The following SORCS3 variants were observed in gnomAD, a reference collection of about 807,000 sequenced individuals.
The protein encoded by SORCS3 is VPS10 domain-containing receptor SorCS3.
A neutral mutation model predicts 146.3 loss-of-function variants in SORCS3; 57 were observed. That is an observed-to-expected ratio of 0.39 (90% CI 0.31 to 0.49). The LOEUF (loss-of-function observed/expected upper bound fraction) is 0.49, where lower values mean the gene tolerates loss of function less well. Ranked by LOEUF, SORCS3 falls within the 20% of genes least tolerant of loss-of-function variation. The pLI, the probability that SORCS3 is intolerant of heterozygous loss-of-function variation, is 0.92. For synonymous variants in SORCS3, 653 were observed against 618.5 expected (o/e 1.06, Z -0.83); for missense variants, 1,341 against 1,575.5 (o/e 0.85, Z 2.52).
At chr10:105,236,332 A>G (rs1257062774) in intron 20 of SORCS3, among the ~76,000 whole-genome samples, 3 of 152,148 alleles carry the variant, frequency 2.0e-5, no homozygotes, top group Admixed American at 2.0e-4. Flanking sequence ...TAGCTGCACT[A>G]CTAGAGGTGT....
intron 3 of SORCS3, among the ~76,000 whole-genome samples, chr10:104,920,545 G>A (rs1012636609): frequency 3.9e-5 from 6 of 152,134 alleles, no homozygotes; most frequent in Admixed American, 2.0e-4. Context: ...TTTGAAAGTA[G>A]GCAGGGTAAG....
Position 105,263,495 on chromosome 10 carries a change from T to C in SORCS3, c.*121T>C, listed in dbSNP as rs2056973948. 5 of 919,406 alleles carry C rather than the reference T, an allele frequency of 5.4e-6. No individual in the cohort carries two copies. In the South Asian group the frequency reaches 8.3e-5, roughly 15 times the overall value. 57.0% of individuals were successfully genotyped at this position (919,406 alleles called of 1,614,324 possible). ...CTTTTGTTTACCAAGGGCCCCTTCA[T>C]AAATAGCAGGCAAATGCCTAGCTTT... is the stretch of plus-strand genomic sequence containing the variant. On this transcript the variant is annotated 3_prime_UTR_variant, in exon 27 of 27. Coordinates refer to ENST00000369701, the MANE Select transcript of SORCS3 (RefSeq NM_014978.3).
rs1253794353 is a variant in SORCS3 at position 104,918,074 on chromosome 10, A to C, written c.795+2142A>C. On this transcript the variant is annotated intron_variant, in intron 3 of 26. Transcript: ENST00000369701. ...CTCCATACTGTTTTCTATAATAGCC[A>C]TACTAATTTACATTCCCACCAACAG... Among the ~76,000 whole-genome samples the C allele has an allele frequency of 2.0e-5, 3 of 152,200 alleles. No individual in the cohort carries two copies. The South Asian group carries it at 6.2e-4, about 31-fold the overall frequency.
At chr10:105,182,228 A>ATTTTTTTTTTT (rs1306740780) in intron 14 of SORCS3, among the ~76,000 whole-genome samples, 11 of 69,354 alleles carry the variant, frequency 1.6e-4, no homozygotes, top group South Asian at 6.5e-4. Context: ...ACTATTCAGC[A>ATTTTTTTTTTT]TCTTTTTTTT....
intron 20 of SORCS3, among the ~76,000 whole-genome samples, chr10:105,227,076 A>G (rs2056737894): frequency 6.6e-6 from 1 of 151,288 alleles, no homozygotes; most frequent in Non-Finnish European, 1.5e-5. Context: ...GATCTTTATT[A>G]TTTCTTATCT....
chr10:105,154,480 G>A (rs1389235934), intron 9 of SORCS3, among the ~76,000 whole-genome samples: 1 of 152,158 alleles, frequency 6.6e-6, no homozygotes. Context: ...AGGGAAAGTG[G>A]GCCACACAGG....
intron 1 of SORCS3, among the ~76,000 whole-genome samples, chr10:104,712,750 T>C (rs1485086446): frequency 6.6e-6 from 1 of 152,160 alleles, no homozygotes; most frequent in Non-Finnish European, 1.5e-5. Flanking sequence ...ATAGGAACCC[T>C]CTTTCCAAGT....
chr10:105,042,906 G>A (rs75302711), intron 4 of SORCS3, 149 bp from the exon 5 acceptor site: 15,841 of 666,306 alleles, frequency 0.024, 1,076 homozygotes, highest in African/African-American at 0.19. Context: ...ATGATAAGCA[G>A]TCATATTCCT....
intron 1 of SORCS3, chr10:104,822,005 G>A (rs1379387527): frequency 2.1e-6 from 1 of 477,934 alleles, no homozygotes. Flanking sequence ...ACACACCTGG[G>A]CACTTTCATA....
chr10:104,766,680 T>C (rs1236428109), intron 1 of SORCS3, among the ~76,000 whole-genome samples: 1 of 152,186 alleles, frequency 6.6e-6, no homozygotes, highest in African/African-American at 2.4e-5. Context: ...TTGCTGCCAC[T>C]GTATGGGCCA....
intron 14 of SORCS3, among the ~76,000 whole-genome samples, chr10:105,193,481 C>T (rs2056528155): frequency 6.6e-6 from 1 of 152,018 alleles, no homozygotes; most frequent in Non-Finnish European, 1.5e-5. Context: ...ATAGATAAAT[C>T]CTTTGTGTAT....
At chr10:105,196,519 T>G (rs1308528120) in intron 14 of SORCS3, among the ~76,000 whole-genome samples, 1 of 152,144 alleles carries the variant, frequency 6.6e-6, no homozygotes, top group Non-Finnish European at 1.5e-5. Context: ...GCAGGAGAAT[T>G]GCTCGGACCA....
intron 1 of SORCS3, among the ~76,000 whole-genome samples, chr10:104,742,685 AGACCTCTG>A (rs1329514054): frequency 6.6e-6 from 1 of 152,228 alleles, no homozygotes; most frequent in African/African-American, 2.4e-5. Flanking sequence ...CCCATCCAGC[AGACCTCTG>A]GACACTAAAA....
At chr10:104,921,151 T>C (rs1302179070) in intron 3 of SORCS3, among the ~76,000 whole-genome samples, 2 of 152,190 alleles carry the variant, frequency 1.3e-5, no homozygotes, top group Non-Finnish European at 2.9e-5. Context: ...GAGATAAACA[T>C]CCCTGGGTTC....
chr10:104,936,153 T>G (rs961373037), intron 3 of SORCS3, among the ~76,000 whole-genome samples: 3 of 152,206 alleles, frequency 2.0e-5, no homozygotes, highest in Non-Finnish European at 4.4e-5. Context: ...TATTATACAT[T>G]CATATGATGG....
chr10:105,089,631 C>T, intron 5 of SORCS3, 144 bp from the exon 6 acceptor site: 1 of 674,682 alleles, frequency 1.5e-6, no homozygotes, highest in Admixed American at 2.1e-5. Context: ...CTGCCAGTGG[C>T]CACATTCTGC....
At chr10:104,919,363 A>G (rs796164856) in intron 3 of SORCS3, among the ~76,000 whole-genome samples, 9 of 136,760 alleles carry the variant, frequency 6.6e-5, no homozygotes, top group African/African-American at 2.9e-4. Context: ...GGCCAATGGC[A>G]TGGATTTTTT....
At chr10:105,018,530 AAAC>A (rs2055181305) in intron 4 of SORCS3, among the ~76,000 whole-genome samples, 1 of 152,232 alleles carries the variant, frequency 6.6e-6, no homozygotes, top group Non-Finnish European at 1.5e-5. Flanking sequence ...TAGGGCAGGA[AAAC>A]AACAAATATA....
At chr10:105,193,784 C>T (rs538276618) in intron 14 of SORCS3, among the ~76,000 whole-genome samples, 12 of 152,254 alleles carry the variant, frequency 7.9e-5, no homozygotes, top group Admixed American at 5.2e-4. Flanking sequence ...AGTACTCTTG[C>T]GACCATGCCC....
Sources: allele counts gnomAD v4.1 joint callset (sites outside exome capture counted in the v4.1 genomes callset), GRCh38; gene constraint gnomAD v4.1.1; transcripts MANE v1.5; gene names NCBI Gene and HGNC (gene_info 2026-07-23, HGNC 2026-07-21).